The following PKHD1 variants were observed in gnomAD, a reference collection of about 807,000 sequenced individuals.
PKHD1 encodes PKHD1 ciliary IPT domain containing fibrocystin/polyductin.
In PKHD1, 291 loss-of-function variants were observed where a neutral mutation model predicts 412.0. The observed-to-expected ratio is 0.71, with a 90% confidence interval of 0.64 to 0.78. The LOEUF (loss-of-function observed/expected upper bound fraction) is 0.78, where lower values mean the gene tolerates loss of function less well. Ranked by LOEUF, PKHD1 falls within the 30% of genes least tolerant of loss-of-function variation. The pLI is 0.00. For missense variants in PKHD1, 4,825 were observed against 4,950.7 expected (o/e 0.97, Z 0.76); for synonymous variants, 1,777 against 1,821.5 (o/e 0.98, Z 0.62).
At chr6:51,643,400 A>T (rs1434503455) in intron 63 of PKHD1, among the ~76,000 whole-genome samples, 1 of 152,162 alleles carries the variant, frequency 6.6e-6, no homozygotes, top group Non-Finnish European at 1.5e-5. Flanking sequence ...AAAATAAAAA[A>T]AAAAATGACC....
At chr6:51,690,814 T>C (rs1460653115) in intron 60 of PKHD1, among the ~76,000 whole-genome samples, 1 of 152,008 alleles carries the variant, frequency 6.6e-6, no homozygotes, top group African/African-American at 2.4e-5. Flanking sequence ...AATTGACAAA[T>C]GGGGTATAAT....
intron 37 of PKHD1, 114 bp downstream of exon 37, chr6:51,933,996 C>G (rs1040862662): frequency 5.2e-6 from 4 of 773,594 alleles, no homozygotes; most frequent in African/African-American, 1.7e-5. Context: ...GTGCCATGCT[C>G]TAACTGACCT....
chr6:52,066,260 A>C (rs1809687598), intron 11 of PKHD1, among the ~76,000 whole-genome samples, 183 bp from the exon 12 acceptor site: 1 of 152,224 alleles, frequency 6.6e-6, no homozygotes, highest in Non-Finnish European at 1.5e-5. Context: ...AAAGACCAGA[A>C]GTATATATTA....
intron 60 of PKHD1, among the ~76,000 whole-genome samples, chr6:51,708,133 T>C (rs955894581): frequency 1.6e-4 from 24 of 152,164 alleles, no homozygotes; most frequent in African/African-American, 5.8e-4. Context: ...AACTGAATTC[T>C]TCAAATCTGC....
intron 47 of PKHD1, among the ~76,000 whole-genome samples, chr6:51,869,153 T>C (rs867934715): frequency 2.6e-5 from 4 of 152,268 alleles, no homozygotes; most frequent in Middle Eastern, 3.4e-3. Context: ...TGTATTTCAT[T>C]TGATACCACA....
intron 43 of PKHD1, among the ~76,000 whole-genome samples, chr6:51,895,804 G>A (rs749864200): frequency 6.6e-6 from 1 of 151,980 alleles, no homozygotes; most frequent in Non-Finnish European, 1.5e-5. Context: ...AGGTCAGTGG[G>A]TGCGCCCACC....
chr6:51,720,920 G>T, intron 60 of PKHD1: 1 of 911,608 alleles, frequency 1.1e-6, no homozygotes, highest in Non-Finnish European at 1.3e-6. Flanking sequence ...ATCTGTTGAA[G>T]AAATGAGTTA....
intron 29 of PKHD1, among the ~76,000 whole-genome samples, chr6:52,029,087 G>A (rs935846461): frequency 2.0e-5 from 3 of 152,144 alleles, no homozygotes; most frequent in African/African-American, 7.2e-5. Flanking sequence ...AACTGACAGA[G>A]TACTTTCACG....
At chr6:51,675,924 G>T (rs1327179891) in intron 60 of PKHD1, among the ~76,000 whole-genome samples, 1 of 152,190 alleles carries the variant, frequency 6.6e-6, no homozygotes, top group Non-Finnish European at 1.5e-5. Context: ...ATGAGCACTT[G>T]CTTTGTGTAT....
At chr6:52,062,403 A>G (rs1016548759) in intron 14 of PKHD1, 116 bp downstream of exon 14, 9 of 1,066,586 alleles carry the variant, frequency 8.4e-6, no homozygotes, top group African/African-American at 6.2e-5. Flanking sequence ...TTGTTGTTGA[A>G]TTGGCTAGTG....
intron 43 of PKHD1, among the ~76,000 whole-genome samples, chr6:51,902,785 C>T (rs994427924): frequency 2.6e-5 from 4 of 152,072 alleles, no homozygotes; most frequent in Non-Finnish European, 4.4e-5. Context: ...CTACATTGTC[C>T]CCTCAAAAAT....
At chr6:51,913,384 C>T (rs373406457) in intron 37 of PKHD1, among the ~76,000 whole-genome samples, 1 of 152,020 alleles carries the variant, frequency 6.6e-6, no homozygotes, top group Non-Finnish European at 1.5e-5. Context: ...CCAGCATACC[C>T]GCCTGACCAT....
chr6:51,831,125 A>G, intron 51 of PKHD1, 136 bp from the exon 52 acceptor site: 1 of 682,892 alleles, frequency 1.5e-6, no homozygotes, highest in Non-Finnish European at 2.5e-6. Context: ...TTCTGTACAA[A>G]TATTTATCAG....
intron 16 of PKHD1, among the ~76,000 whole-genome samples, chr6:52,057,190 T>C (rs973686428): frequency 2.0e-5 from 3 of 152,240 alleles, no homozygotes; most frequent in Non-Finnish European, 4.4e-5. Context: ...TCAGTCTTCC[T>C]ATTTATCTGT....
chr6:52,069,402 G>C (rs893228040), intron 11 of PKHD1, 55 bp downstream of exon 11: 2 of 1,248,278 alleles, frequency 1.6e-6, no homozygotes, highest in African/African-American at 2.9e-5. Flanking sequence ...GGGAAGGAGG[G>C]GCCAACATTG....
chr6:51,697,838 G>A (rs1778978237), intron 60 of PKHD1, among the ~76,000 whole-genome samples: 2 of 152,110 alleles, frequency 1.3e-5, no homozygotes, highest in Admixed American at 1.3e-4. Context: ...CAATTCCTGG[G>A]CATTTGCAAT....
intron 37 of PKHD1, among the ~76,000 whole-genome samples, chr6:51,930,587 G>A (rs1320458318): frequency 6.6e-6 from 1 of 152,186 alleles, no homozygotes; most frequent in African/African-American, 2.4e-5. Context: ...AGAATGAGAT[G>A]GAAGGAGAAG....
chr6:51,892,592 T>G (rs1278163922), intron 43 of PKHD1, among the ~76,000 whole-genome samples: 1 of 152,094 alleles, frequency 6.6e-6, no homozygotes, highest in Non-Finnish European at 1.5e-5. Context: ...TACACTAGAG[T>G]CACATATTAG....
intron 35 of PKHD1, among the ~76,000 whole-genome samples, chr6:51,977,860 C>T (rs1794659299): frequency 6.6e-6 from 1 of 152,168 alleles, no homozygotes; most frequent in African/African-American, 2.4e-5. Context: ...CTACATGTCA[C>T]CTCTGGAGAG....
Sources: allele counts gnomAD v4.1 joint callset (sites outside exome capture counted in the v4.1 genomes callset), GRCh38; gene constraint gnomAD v4.1.1; transcripts MANE v1.5; gene names NCBI Gene and HGNC (gene_info 2026-07-23, HGNC 2026-07-21).